KDM3B: variants seen among roughly 807,000 people sequenced by gnomAD.
The protein encoded by KDM3B is lysine-specific demethylase 3B.
In KDM3B, 10 loss-of-function variants were observed where a neutral mutation model predicts 170.0. The ratio of observed to expected loss-of-function variants is 0.06; its 90% CI spans 0.04 to 0.10. KDM3B has a LOEUF of 0.10. KDM3B is among the 10% of genes least tolerant of loss of function. The pLI is 1.00. For synonymous variants in KDM3B, 831 were observed against 834.8 expected, an observed-to-expected ratio of 1.00 and a Z score of 0.08; for missense variants, 1,394 against 2,195.2, an observed-to-expected ratio of 0.64 and a Z score of 7.29.
Position 138,391,793 on chromosome 5 carries a change from G to A in KDM3B, c.2161G>A (p.Gly721Arg), listed in dbSNP as rs745427521. 160 of 1,613,928 alleles carry A rather than the reference G, an allele frequency of 9.9e-5. No individual in the cohort carries two copies. The highest frequency in any genetic ancestry group is 4.9e-4 in the Middle Eastern group (3 of 6,084). The change falls in exon 8 of 24, where the codon GGG becomes AGG. Residue 721 changes from glycine (G) to arginine (R), a missense_variant. Gly to Arg is a moderately radical substitution (Grantham distance 125). Coordinates refer to ENST00000314358, the MANE Select transcript of KDM3B (RefSeq NM_016604.4). The surrounding 1 kb of genome is among the most constrained non-coding windows in gnomAD (Gnocchi z 5.0). ...TGGGGGCCCAAGCCTCTCTGCCATG[G>A]GGAATGGCCGCTCCAGCTCGCCCAC... ...TSGGPSLSAM[G>R]NGRSSSPTSS... is the part of the protein sequence containing the mutation.
chr5:138,405,903 C>T (rs1482571828), intron 11 of KDM3B, among the ~76,000 whole-genome samples: 4 of 152,132 alleles, frequency 2.6e-5, no homozygotes, highest in Non-Finnish European at 4.4e-5. Flanking sequence ...TGAAGATAGA[C>T]TTTGATAAGT....
rs1763660961 is a variant in KDM3B at position 138,435,849 on chromosome 5, G to A, written c.*149G>A. 5 of 639,756 alleles carry A rather than the reference G, an allele frequency of 7.8e-6. No homozygotes were observed. The highest frequency in any genetic ancestry group is 5.5e-5 in the East Asian group (2 of 36,194). 39.6% of individuals were successfully genotyped at this position (639,756 alleles called of 1,614,324 possible). A position where few individuals can be genotyped will look rare whatever the true frequency, so the allele number is the denominator to read the frequency against. ...AAACTCTCCAGCCACTCTCTTCTAC[G>A]CTGCCTCAACACTGAAGGTTGACAC... is the stretch of plus-strand genomic sequence containing the variant. On this transcript the variant is annotated 3_prime_UTR_variant, in exon 24 of 24. Transcript: ENST00000314358.
Position 138,421,088 on chromosome 5 carries a change from CTCTTTAAAGTTTTGGGAA to C in KDM3B, c.3972+132_3972+149del. ...CTACATTGTCAAGCTGACAAGGTCT[CTCTTTAAAGTTTTGGGAA>C]TCTTTTTAAGTAGTGAACCTTTTGT... On this transcript the variant is annotated intron_variant, in intron 15 of 23. Transcript: ENST00000314358. 2.6e-6 allele frequency: 3 copies of C among 1,138,080 alleles called. No homozygotes were observed. In the South Asian group the frequency reaches 4.5e-5, roughly 17 times the overall value. The allele number at this position is 1,138,080 out of a possible 1,614,324, so 70.5% of individuals were successfully genotyped here.
intron 20 of KDM3B, 73 bp downstream of exon 20, chr5:138,428,159 C>T: frequency 3.5e-6 from 5 of 1,422,142 alleles, no homozygotes; most frequent in Non-Finnish European, 4.8e-6. Context: ...TGTTTTCATC[C>T]TTAGGGCCAG....
At chr5:138,430,520 T>C in intron 22 of KDM3B, 95 bp downstream of exon 22, 1 of 1,117,004 alleles carries the variant, frequency 9.0e-7, no homozygotes. Context: ...AGTAGCTGGA[T>C]TGGACTGATC....
chr5:138,412,686 C>T (rs1188687312), intron 11 of KDM3B, among the ~76,000 whole-genome samples: 1 of 151,950 alleles, frequency 6.6e-6, no homozygotes, highest in East Asian at 1.9e-4. Context: ...CTGCTGTGCA[C>T]AGTGGTGTAA....
Position 138,386,507 on chromosome 5 carries a change from T to C in KDM3B, c.1266T>C (p.Ala422=). 1 of 1,614,164 alleles carries C rather than the reference T, an allele frequency of 6.2e-7. No individual in the cohort carries two copies. The highest frequency in any genetic ancestry group is 8.5e-7 in the Non-Finnish European group (1 of 1,180,024). Reference sequence around the variant, plus strand: ...GCCAGGGCATAGTGGCTTCCGCAGCTGTGGTCACTACCGCCAGCTCCACCC... The same window carrying C: ...GCCAGGGCATAGTGGCTTCCGCAGCCGTGGTCACTACCGCCAGCTCCACCC... ...QVGQGIVASA[A]VVTTASSTPN... The change falls in exon 7 of 24, where the codon GCT becomes GCC. Residue 422 remains alanine, a synonymous_variant. Transcript: ENST00000314358.
intron 1 of KDM3B, among the ~76,000 whole-genome samples, chr5:138,357,264 A>G (rs1329357940): frequency 6.6e-6 from 1 of 151,736 alleles, no homozygotes; most frequent in East Asian, 1.9e-4. Context: ...GAGATTCCAA[A>G]CATGAGCCAC....
chr5:138,396,735 A>G (rs911207664), intron 9 of KDM3B, among the ~76,000 whole-genome samples: 5 of 151,928 alleles, frequency 3.3e-5, no homozygotes, highest in Non-Finnish European at 7.4e-5. Flanking sequence ...TTCTCAGTGG[A>G]ATAGAAAACA....
At chr5:138,414,332 A>AT (rs1311817231) in intron 11 of KDM3B, among the ~76,000 whole-genome samples, 3 of 151,998 alleles carry the variant, frequency 2.0e-5, no homozygotes, top group African/African-American at 7.3e-5. Flanking sequence ...CACCTGGCTA[A>AT]TTTTTTGTAT....
At chr5:138,405,597 A>G (rs1240705830) in intron 11 of KDM3B, among the ~76,000 whole-genome samples, 2 of 152,146 alleles carry the variant, frequency 1.3e-5, no homozygotes, top group Non-Finnish European at 2.9e-5. Flanking sequence ...TCCACACGAT[A>G]ATAAAGTTAA....
In KDM3B at chr5:138,391,403, C is replaced by T. The variant is rs371538116; in HGVS notation, c.1771C>T (p.Arg591Trp). The T allele has an allele frequency of 1.6e-4, 252 of 1,613,394 alleles. No individual in the cohort carries two copies. The highest frequency in any genetic ancestry group is 2.0e-4 in the Non-Finnish European group (233 of 1,179,660). ...CTCTAAGGCTGGCAGCTCTGTGGACCGGAAAGTGCCTGCAGAGTCCATGCC... is the reference window on the plus strand; with the variant it reads ...CTCTAAGGCTGGCAGCTCTGTGGACTGGAAAGTGCCTGCAGAGTCCATGCC... ...PGSKAGSSVD[R>W]KVPAESMPTL... The change falls in exon 8 of 24, where the codon CGG becomes TGG. Residue 591 changes from arginine to tryptophan, a missense_variant. Around this residue, in one of 19 missense-constraint regions of KDM3B, gnomAD observed 294 missense variants for 311.7 expected, o/e 0.94. Coordinates refer to ENST00000314358, the MANE Select transcript of KDM3B (RefSeq NM_016604.4). The surrounding 1 kb of genome is among the most constrained non-coding windows in gnomAD (Gnocchi z 5.0).
intron 6 of KDM3B, among the ~76,000 whole-genome samples, chr5:138,385,534 G>A (rs1762236342): frequency 6.6e-6 from 1 of 152,214 alleles, no homozygotes; most frequent in Non-Finnish European, 1.5e-5. Flanking sequence ...CCCAGCCCAG[G>A]TTCACTTTTC....
intron 1 of KDM3B, among the ~76,000 whole-genome samples, chr5:138,355,616 T>C (rs1243203780): frequency 1.3e-5 from 2 of 152,224 alleles, no homozygotes; most frequent in Non-Finnish European, 2.9e-5. Flanking sequence ...TGTTTTAAAA[T>C]GGGCCTTTTA....
In KDM3B at chr5:138,375,247, T is replaced by TC. The variant is rs772698518; in HGVS notation, c.474+42dup. 6.6e-5 allele frequency: 84 copies of TC among 1,276,046 alleles called. 1 individual carries two copies. The highest frequency in any genetic ancestry group is 8.5e-5 in the South Asian group (7 of 82,630). 79.0% of individuals were successfully genotyped at this position (1,276,046 alleles called of 1,614,324 possible). A position where few individuals can be genotyped will look rare whatever the true frequency, so the allele number is the denominator to read the frequency against. On this transcript the variant is annotated intron_variant, in intron 3 of 23. Coordinates refer to ENST00000314358, the MANE Select transcript of KDM3B (RefSeq NM_016604.4). ...TTTAGTCTTGAGCCTATTATTTTTT[T>TC]CGCTGCTAATTTCTTTGTTGATATA...
chr5:138,395,934 A>C (rs181653138), intron 9 of KDM3B, among the ~76,000 whole-genome samples: 1 of 152,020 alleles, frequency 6.6e-6, no homozygotes, highest in African/African-American at 2.4e-5. Flanking sequence ...AATTTTTAAT[A>C]AAAAAGTAAA....
intron 9 of KDM3B, chr5:138,397,870 A>T (rs1762586037): frequency 5.3e-6 from 1 of 189,280 alleles, no homozygotes. Context: ...TAAAAAAAAA[A>T]AAAAAATTGG....
intron 20 of KDM3B, among the ~76,000 whole-genome samples, chr5:138,428,314 C>G (rs555812391): frequency 6.6e-6 from 1 of 151,984 alleles, no homozygotes; most frequent in South Asian, 2.1e-4. Context: ...CACGTTCAAG[C>G]GATTCTCCTG....
intron 11 of KDM3B, among the ~76,000 whole-genome samples, chr5:138,413,395 A>AG (rs1329631982): frequency 3.3e-5 from 5 of 151,920 alleles, no homozygotes; most frequent in Non-Finnish European, 7.4e-5. Flanking sequence ...AAAAAAAAAA[A>AG]GAAAACCGGA....
Sources: allele counts gnomAD v4.1 joint callset (sites outside exome capture counted in the v4.1 genomes callset), GRCh38; gene constraint gnomAD v4.1.1; regional missense constraint gnomAD v4.1.1; non-coding constraint Gnocchi (gnomAD v3.1); transcripts MANE v1.5; gene names NCBI Gene and HGNC (gene_info 2026-07-23, HGNC 2026-07-21).